Variants in PLD1 observed in about 807,000 individuals in gnomAD.
PLD1 encodes choline phosphatase 1.
In PLD1, 112 loss-of-function variants were observed where a neutral mutation model predicts 137.1. The ratio of observed to expected loss-of-function variants is 0.82; its 90% CI spans 0.70 to 0.96. The LOEUF (loss-of-function observed/expected upper bound fraction) is 0.96. PLD1 is among the 40% of genes least tolerant of loss of function. The pLI, the probability that PLD1 is intolerant of heterozygous loss-of-function variation, is 0.00. For synonymous variants in PLD1, 431 were observed against 454.7 expected (o/e 0.95, Z 0.66); for missense variants, 1,321 against 1,342.0 (o/e 0.98, Z 0.24).
At chr3:171,804,478 T>C (rs1723767496) in intron 1 of PLD1, among the ~76,000 whole-genome samples, 1 of 152,238 alleles carries the variant, frequency 6.6e-6, no homozygotes, top group Non-Finnish European at 1.5e-5. Flanking sequence ...TTTCATTCAG[T>C]TCACATCTAT....
intron 8 of PLD1, among the ~76,000 whole-genome samples, chr3:171,719,787 G>A (rs898236753): frequency 2.6e-5 from 4 of 152,170 alleles, no homozygotes; most frequent in Non-Finnish European, 5.9e-5. Context: ...GTTTTAGATT[G>A]TAGGATCTCT....
At chr3:171,765,988 A>G in intron 1 of PLD1, among the ~76,000 whole-genome samples, 2 of 152,210 alleles carry the variant, frequency 1.3e-5, no homozygotes, top group East Asian at 3.8e-4. Flanking sequence ...TTGACACAGA[A>G]AAGTCAAAAA....
intron 8 of PLD1, among the ~76,000 whole-genome samples, chr3:171,716,490 A>G (rs1717694875): frequency 6.6e-6 from 1 of 152,184 alleles, no homozygotes; most frequent in Non-Finnish European, 1.5e-5. Context: ...TCTAATGATC[A>G]GTGATGTTAA....
intron 21 of PLD1, among the ~76,000 whole-genome samples, chr3:171,650,057 G>A (rs947622207): frequency 2.6e-5 from 4 of 152,126 alleles, no homozygotes; most frequent in South Asian, 2.1e-4. Context: ...CTCTGTGACC[G>A]GAGAAACGAA....
In PLD1 at chr3:171,608,685, T is replaced by C. The variant is rs143259887; in HGVS notation, c.2883-3269A>G. Among the ~76,000 whole-genome samples, 257 of 152,246 alleles carry C rather than the reference T, an allele frequency of 1.7e-3. 2 individuals carry two copies. Among genetic ancestry groups the C allele is most frequent in the African/African-American group, 5.8e-3 (241 of 41,540 alleles). ...GAGAGGCGAAGAGTCCTACTACGTA[T>C]CGTAAGGTTCCAGATCATCTGGTTA... On this transcript the variant is annotated intron_variant, in intron 25 of 26. Coordinates refer to ENST00000351298, the MANE Select transcript of PLD1 (RefSeq NM_002662.5).
intron 22 of PLD1, among the ~76,000 whole-genome samples, chr3:171,644,451 C>T (rs192933628): frequency 1.6e-4 from 24 of 152,244 alleles, no homozygotes; most frequent in Non-Finnish European, 2.9e-4. Context: ...AACAAAATTC[C>T]GGGAATTTAT....
At chr3:171,625,687 G>A (rs987178927) in intron 23 of PLD1, among the ~76,000 whole-genome samples, 1 of 152,104 alleles carries the variant, frequency 6.6e-6, no homozygotes, top group Admixed American at 6.5e-5. Flanking sequence ...CAGTATTCGC[G>A]GTTCACAAAA....
At position 171,737,638 on chromosome 3, in the gene PLD1, A is replaced by G; in HGVS notation, c.182T>C (p.Ile61Thr). 6.4e-7 allele frequency: 1 copy of G among 1,571,028 alleles called. No homozygotes were observed. The highest frequency in any genetic ancestry group is 8.7e-7 in the Non-Finnish European group (1 of 1,143,868). ...IQEVYIPFSAIYNTQGFKEPN... is the reference protein window; with the variant it reads ...IQEVYIPFSATYNTQGFKEPN... ...CTCCTTAAATCCTTGAGTGTTATAA[A>G]TAGCAGAGAAAGGGATATACACTAA... Residue 61 changes from isoleucine to threonine, a missense_variant, in exon 3 of 27, where the codon ATT becomes ACT. Physicochemically the swap from Ile to Thr is moderately conservative, Grantham distance 89. Coordinates refer to ENST00000351298, the MANE Select transcript of PLD1 (RefSeq NM_002662.5).
At chr3:171,685,027 G>T (rs771848356) in intron 16 of PLD1, among the ~76,000 whole-genome samples, 4 of 152,210 alleles carry the variant, frequency 2.6e-5, no homozygotes, top group African/African-American at 9.6e-5. Context: ...GACCAAGCTT[G>T]TCCAACCCAC....
intron 19 of PLD1, among the ~76,000 whole-genome samples, chr3:171,668,113 C>T (rs6783321): frequency 0.52 from 78,848 of 152,058 alleles, 21,758 homozygotes; most frequent in African/African-American, 0.72. Flanking sequence ...TAGAAACAGG[C>T]TGCACAGGAG....
At chr3:171,653,444 G>C (rs1361513631) in intron 21 of PLD1, 1 of 152,172 alleles carries the variant, frequency 6.6e-6, no homozygotes, top group East Asian at 1.9e-4. Flanking sequence ...ATCAAAAATT[G>C]ATTCCCAGGA....
Position 171,602,773 on chromosome 3 carries a change from C to T in PLD1, c.*305G>A, listed in dbSNP as rs1731917405. ...CCTAGATCACAGTTACTGGTAAATTCTTGTTACAAAGGAAATGGATTTTGG... is the reference window on the plus strand; with the variant it reads ...CCTAGATCACAGTTACTGGTAAATTTTTGTTACAAAGGAAATGGATTTTGG... On this transcript the variant is annotated 3_prime_UTR_variant, in exon 27 of 27. Transcript: ENST00000351298. 1 of 322,408 alleles carries T rather than the reference C, an allele frequency of 3.1e-6. No individual in the cohort carries two copies. The highest frequency in any genetic ancestry group is 5.8e-6 in the Non-Finnish European group (1 of 173,814). 20.0% of individuals were successfully genotyped at this position (322,408 alleles called of 1,614,324 possible). A position where few individuals can be genotyped will look rare whatever the true frequency, so the allele number is the denominator to read the frequency against.
intron 6 of PLD1, among the ~76,000 whole-genome samples, chr3:171,732,610 A>G (rs944346040): frequency 9.2e-5 from 14 of 152,232 alleles, no homozygotes; most frequent in Admixed American, 3.9e-4. Context: ...ATGTGATGCC[A>G]TTCTCTAAAC....
At chr3:171,667,853 G>A (rs1204616011) in intron 19 of PLD1, among the ~76,000 whole-genome samples, 4 of 152,190 alleles carry the variant, frequency 2.6e-5, no homozygotes, top group Non-Finnish European at 4.4e-5. Context: ...CCGGGTTCAA[G>A]CAATTCTCCT....
At chr3:171,722,406 A>T (rs1303473345) in intron 8 of PLD1, among the ~76,000 whole-genome samples, 3 of 152,160 alleles carry the variant, frequency 2.0e-5, no homozygotes, top group Non-Finnish European at 4.4e-5. Flanking sequence ...TATAACCATC[A>T]CCACTATCTA....
intron 1 of PLD1, among the ~76,000 whole-genome samples, chr3:171,741,950 T>C (rs1719809285): frequency 6.6e-6 from 1 of 152,246 alleles, no homozygotes; most frequent in Admixed American, 6.5e-5. Flanking sequence ...ATTTGCTAAA[T>C]ATGTACTACA....
chr3:171,680,600 C>A (rs1185502948), intron 16 of PLD1, among the ~76,000 whole-genome samples: 1 of 152,142 alleles, frequency 6.6e-6, no homozygotes, highest in South Asian at 2.1e-4. Context: ...TTTTGGACTC[C>A]AAATCTAAGG....
intron 12 of PLD1, among the ~76,000 whole-genome samples, chr3:171,698,952 G>T (rs1716002862): frequency 6.8e-6 from 1 of 147,194 alleles, no homozygotes; most frequent in Non-Finnish European, 1.5e-5. Flanking sequence ...CTCCAGCCTG[G>T]GCAACAAGAA....
chr3:171,613,234 TA>T (rs763611062), intron 24 of PLD1, among the ~76,000 whole-genome samples: 2 of 152,224 alleles, frequency 1.3e-5, no homozygotes, highest in Non-Finnish European at 2.9e-5. Context: ...GTCATTGAAT[TA>T]GCCAACCTTT....
Sources: gnomAD v4.1 joint callset for allele counts (sites outside exome capture counted in the v4.1 genomes callset) on GRCh38, gnomAD v4.1.1 for gene constraint, MANE v1.5 for transcripts, NCBI Gene and HGNC (gene_info 2026-07-23, HGNC 2026-07-21) for gene names.